The following MALRD1 variants were observed in gnomAD, a reference collection of about 807,000 sequenced individuals.
MALRD1 encodes the protein MAM and LDL-receptor class A domain-containing protein 1.
In MALRD1, 247 loss-of-function variants were observed where a neutral mutation model predicts 242.1. The ratio of observed to expected loss-of-function variants is 1.02; its 90% CI spans 0.92 to 1.13. The LOEUF (loss-of-function observed/expected upper bound fraction) is 1.13. MALRD1 is among the 50% of genes most tolerant of loss of function. The probability of loss-of-function intolerance (pLI) is 0.00; values close to 1 mark genes in which losing one functional copy is unlikely to be tolerated. For missense variants in MALRD1, 2,989 were observed against 2,533.1 expected, an observed-to-expected ratio of 1.18 and a Z score of -3.86; for synonymous variants, 995 against 866.6, an observed-to-expected ratio of 1.15 and a Z score of -2.60.
intron 26 of MALRD1, among the ~76,000 whole-genome samples, chr10:19,372,735 T>G (rs1331279899): frequency 6.6e-6 from 1 of 152,142 alleles, no homozygotes; most frequent in Non-Finnish European, 1.5e-5. Flanking sequence ...CCCTAAGTGC[T>G]GGGATTACAG....
intron 23 of MALRD1, among the ~76,000 whole-genome samples, chr10:19,328,294 A>G (rs1843220847): frequency 6.6e-6 from 1 of 152,138 alleles, no homozygotes; most frequent in Non-Finnish European, 1.5e-5. Flanking sequence ...CCAAGAAAGC[A>G]AGACCTCCAT....
At chr10:19,532,548 C>T (rs1229736931) in intron 32 of MALRD1, among the ~76,000 whole-genome samples, 1 of 151,096 alleles carries the variant, frequency 6.6e-6, no homozygotes, top group Non-Finnish European at 1.5e-5. Flanking sequence ...GCCACCATGC[C>T]CCCCTTCTCA....
At chr10:19,579,677 C>G (rs1044867250) in intron 33 of MALRD1, among the ~76,000 whole-genome samples, 1 of 152,030 alleles carries the variant, frequency 6.6e-6, no homozygotes, top group Non-Finnish European at 1.5e-5. Flanking sequence ...TGGGGAAGAA[C>G]GTGAGTATAG....
intron 34 of MALRD1, chr10:19,598,358 A>G (rs541419014): frequency 3.9e-5 from 6 of 152,188 alleles, no homozygotes; most frequent in East Asian, 1.9e-4. Flanking sequence ...TCTCCTGAGC[A>G]TGAATCTGGC....
intron 32 of MALRD1, among the ~76,000 whole-genome samples, chr10:19,563,034 T>C (rs976530383): frequency 1.4e-4 from 22 of 152,172 alleles, no homozygotes; most frequent in Non-Finnish European, 2.9e-5. Flanking sequence ...TTCAGCTTTT[T>C]TTTGTGTGTG....
chr10:19,724,078 A>T (rs1009401391), intron 38 of MALRD1, among the ~76,000 whole-genome samples: 10 of 152,202 alleles, frequency 6.6e-5, no homozygotes, highest in African/African-American at 2.4e-4. Flanking sequence ...AAATAAAAAA[A>T]TTTAAGCTTT....
At chr10:19,175,914 G>C (rs976635293) in intron 14 of MALRD1, among the ~76,000 whole-genome samples, 11 of 152,014 alleles carry the variant, frequency 7.2e-5, no homozygotes, top group Non-Finnish European at 1.0e-4. Flanking sequence ...CCATAAAAAT[G>C]GATCTCATAT....
At chr10:19,191,345 A>T (rs1267875804) in intron 14 of MALRD1, among the ~76,000 whole-genome samples, 1 of 152,228 alleles carries the variant, frequency 6.6e-6, no homozygotes, top group Admixed American at 6.5e-5. Flanking sequence ...CCAGAAGTTA[A>T]CAAGTGTTGG....
At chr10:19,122,717 CAA>C (rs1180422609) in intron 5 of MALRD1, among the ~76,000 whole-genome samples, 1 of 151,884 alleles carries the variant, frequency 6.6e-6, no homozygotes, top group Non-Finnish European at 1.5e-5. Flanking sequence ...GAAAAGAAAA[CAA>C]AAACACAGGC....
intron 21 of MALRD1, among the ~76,000 whole-genome samples, chr10:19,306,066 CTA>C (rs1215377254): frequency 2.6e-5 from 3 of 117,088 alleles, no homozygotes; most frequent in African/African-American, 1.0e-4. Flanking sequence ...TTATACTATA[CTA>C]TATATACTAT....
rs1834422089 is a variant in MALRD1, at chr10:19,437,968, A to G, written c.4846-12339A>G. On this transcript the variant is annotated intron_variant, in intron 28 of 39. Coordinates refer to ENST00000454679, the MANE Select transcript of MALRD1 (RefSeq NM_001142308.3). ...CAATTTTTGGTAGTTTCTTTTTGAG[A>G]ACGTGTCTTTCTCTGCTATTAAATA... Among the ~76,000 whole-genome samples, 3 of 152,066 alleles carry G rather than the reference A, an allele frequency of 2.0e-5. No homozygotes were observed. The South Asian group carries it at 6.2e-4, about 31-fold the overall frequency.
At chr10:19,606,714 G>T (rs759958659) in intron 34 of MALRD1, among the ~76,000 whole-genome samples, 3 of 152,012 alleles carry the variant, frequency 2.0e-5, no homozygotes, top group Non-Finnish European at 4.4e-5. Context: ...AACCAGAGGA[G>T]AACCAGAAAA....
rs1190746798 is a variant in MALRD1 at position 19,662,625 on chromosome 10, A to G, written c.6138-29657A>G. On this transcript the variant is annotated intron_variant, in intron 36 of 39. Coordinates refer to ENST00000454679, the MANE Select transcript of MALRD1 (RefSeq NM_001142308.3). ...TTTAGTGATTTACTCAAGGTCATCCAATTATTCAAGGAAAGAGAAAAGTCA... is the reference window on the plus strand; with the variant it reads ...TTTAGTGATTTACTCAAGGTCATCCGATTATTCAAGGAAAGAGAAAAGTCA... Among the ~76,000 whole-genome samples the G allele has an allele frequency of 2.6e-5, 4 of 152,174 alleles. No individual in the cohort carries two copies. The East Asian group carries it at 7.7e-4, about 29-fold the overall frequency.
chr10:19,575,717 T>A (rs573973792), intron 33 of MALRD1, among the ~76,000 whole-genome samples: 1 of 152,286 alleles, frequency 6.6e-6, no homozygotes, highest in Admixed American at 6.5e-5. Context: ...CCAGTTATTG[T>A]CCACTGCTCC....
intron 29 of MALRD1, among the ~76,000 whole-genome samples, chr10:19,476,579 T>C (rs1836743957): frequency 6.6e-6 from 1 of 152,128 alleles, no homozygotes; most frequent in South Asian, 2.1e-4. Flanking sequence ...ACTGCCTTGC[T>C]GGTGTGCTTA....
At chr10:19,191,200 A>G (rs1022189089) in intron 14 of MALRD1, among the ~76,000 whole-genome samples, 2 of 152,232 alleles carry the variant, frequency 1.3e-5, no homozygotes, top group Non-Finnish European at 2.9e-5. Context: ...TTTCTCCAAT[A>G]AGCATGTGAA....
At chr10:19,158,790 G>A (rs1204193387) in intron 12 of MALRD1, among the ~76,000 whole-genome samples, 3 of 152,164 alleles carry the variant, frequency 2.0e-5, no homozygotes, top group African/African-American at 7.2e-5. Flanking sequence ...CTACAAGAGG[G>A]TGAGTCCAGT....
At chr10:19,258,467 C>T (rs1302968513) in intron 19 of MALRD1, among the ~76,000 whole-genome samples, 9 of 152,054 alleles carry the variant, frequency 5.9e-5, no homozygotes, top group East Asian at 1.9e-4. Flanking sequence ...TTAAAGTGCA[C>T]GACAAGAGGG....
At chr10:19,434,020 A>G (rs1457566131) in intron 28 of MALRD1, among the ~76,000 whole-genome samples, 1 of 152,158 alleles carries the variant, frequency 6.6e-6, no homozygotes, top group Non-Finnish European at 1.5e-5. Flanking sequence ...GAAAACAGAG[A>G]AAGACTGGTA....
Sources: gnomAD v4.1 joint callset for allele counts (sites outside exome capture counted in the v4.1 genomes callset) on GRCh38, gnomAD v4.1.1 for gene constraint, MANE v1.5 for transcripts, NCBI Gene and HGNC (gene_info 2026-07-23, HGNC 2026-07-21) for gene names.